The following SMIM10L3 variants were observed in gnomAD, a reference collection of about 807,000 sequenced individuals.
SMIM10L3 encodes the protein salivary gland specific protein SAGSIN1.
the SMIM10L3 span, chr7:6,348,902 C>A: frequency 2.6e-6 from 1 of 387,014 alleles, no homozygotes; most frequent in Non-Finnish European, 4.6e-6. Flanking sequence ...GGAGCGGAGT[C>A]CGCACGTCAC....
At chr7:6,336,178 A>AG in the SMIM10L3 span, among the ~76,000 whole-genome samples, 1 of 151,016 alleles carries the variant, frequency 6.6e-6, no homozygotes, top group South Asian at 2.1e-4. Flanking sequence ...GCCTCAAAAA[A>AG]AAAAAAAAAA....
chr7:6,334,195 T>C, the SMIM10L3 span, among the ~76,000 whole-genome samples: 1 of 151,582 alleles, frequency 6.6e-6, no homozygotes, highest in Non-Finnish European at 1.5e-5. Flanking sequence ...CCTGAGTAGC[T>C]GGGATTACAG....
the SMIM10L3 span, among the ~76,000 whole-genome samples, chr7:6,336,158 G>T: frequency 7.0e-6 from 1 of 141,954 alleles, no homozygotes; most frequent in Non-Finnish European, 1.5e-5. Flanking sequence ...GGGCAACAGA[G>T]TGAGATTTTG....
At chr7:6,333,031 C>T in the SMIM10L3 span, among the ~76,000 whole-genome samples, 11,109 of 151,618 alleles carry the variant, frequency 0.073, 708 homozygotes, top group East Asian at 0.27. Flanking sequence ...CTGGCGGGTG[C>T]CTGTAATCCC....
the SMIM10L3 span, among the ~76,000 whole-genome samples, chr7:6,348,239 G>T: frequency 6.6e-6 from 1 of 150,690 alleles, no homozygotes; most frequent in Non-Finnish European, 1.5e-5. Context: ...ATAAGGGGGG[G>T]GGTTGCAAAG....
chr7:6,341,971 C>G, the SMIM10L3 span: 2 of 151,862 alleles, frequency 1.3e-5, no homozygotes, highest in Non-Finnish European at 2.9e-5. Flanking sequence ...GCACTCCAGC[C>G]TGGGCGACAA....
chr7:6,345,052 C>T, the SMIM10L3 span, among the ~76,000 whole-genome samples: 2 of 151,956 alleles, frequency 1.3e-5, no homozygotes, highest in African/African-American at 2.4e-5. Context: ...CCACTGCGCC[C>T]GGCCAGAGTT....
At chr7:6,331,077 T>G in the SMIM10L3 span, 10 of 1,613,502 alleles carry the variant, frequency 6.2e-6, no homozygotes, top group Admixed American at 1.5e-4. Context: ...GGCTGCATGA[T>G]AGTTTGTCCG....
the SMIM10L3 span, chr7:6,330,750 G>T: frequency 1.9e-6 from 3 of 1,614,134 alleles, no homozygotes; most frequent in East Asian, 4.5e-5. Flanking sequence ...CAGTGGCCCT[G>T]GGCCCTCCTC....
At chr7:6,345,992 C>T in the SMIM10L3 span, among the ~76,000 whole-genome samples, 1 of 152,114 alleles carries the variant, frequency 6.6e-6, no homozygotes, top group Admixed American at 6.6e-5. Flanking sequence ...TGGTCTTAAA[C>T]TCCTGACCTC....
the SMIM10L3 span, among the ~76,000 whole-genome samples, chr7:6,345,847 C>A: frequency 6.6e-6 from 1 of 152,054 alleles, no homozygotes; most frequent in African/African-American, 2.4e-5. Context: ...TGGCTCACTG[C>A]AACCTCCATC....
At chr7:6,340,509 G>C in the SMIM10L3 span, among the ~76,000 whole-genome samples, 3 of 152,150 alleles carry the variant, frequency 2.0e-5, no homozygotes, top group Non-Finnish European at 4.4e-5. Flanking sequence ...ACCTGGAGTT[G>C]GCTGAAGGGC....
the SMIM10L3 span, among the ~76,000 whole-genome samples, chr7:6,342,619 G>A: frequency 6.6e-6 from 1 of 152,070 alleles, no homozygotes; most frequent in Non-Finnish European, 1.5e-5. Context: ...ACACCCAAGA[G>A]AAATAAAAAC....
At chr7:6,334,483 GA>G in the SMIM10L3 span, among the ~76,000 whole-genome samples, 1 of 151,948 alleles carries the variant, frequency 6.6e-6, no homozygotes. Context: ...CTCAAAAAAA[GA>G]AAAGATGGAG....
the SMIM10L3 span, among the ~76,000 whole-genome samples, chr7:6,338,050 T>C: frequency 8.2e-3 from 1,237 of 151,218 alleles, 25 homozygotes; most frequent in African/African-American, 0.027. Context: ...GTGATCCACC[T>C]GCCTCAGCCT....
chr7:6,347,842 C>A, the SMIM10L3 span, among the ~76,000 whole-genome samples: 1 of 150,400 alleles, frequency 6.6e-6, no homozygotes, highest in African/African-American at 2.4e-5. Flanking sequence ...TCTCTTGAGG[C>A]CAGGAGTTCG....
chr7:6,348,727 C>A, the SMIM10L3 span: 1 of 417,156 alleles, frequency 2.4e-6, no homozygotes. Context: ...GCGCGAGAGC[C>A]GGACAGCCAG....
chr7:6,330,678 T>C, the SMIM10L3 span: 84 of 1,613,984 alleles, frequency 5.2e-5, no homozygotes, highest in Non-Finnish European at 6.7e-5. Flanking sequence ...CCGGCACTTT[T>C]TGATGGCGTG....
the SMIM10L3 span, among the ~76,000 whole-genome samples, chr7:6,340,965 T>TA: frequency 0.018 from 1,614 of 87,400 alleles, 52 homozygotes; most frequent in African/African-American, 0.047. Context: ...CTGTCTCTAC[T>TA]AAAAAAAAAA....
Sources: gnomAD v4.1 joint callset for allele counts (sites outside exome capture counted in the v4.1 genomes callset) on GRCh38, gnomAD v4.1.1 for gene constraint, MANE v1.5 for transcripts, NCBI Gene and HGNC (gene_info 2026-07-23, HGNC 2026-07-21) for gene names.